Variants in FLT4 observed in about 807,000 individuals in gnomAD.
FLT4 encodes the protein fms related receptor tyrosine kinase 4.
FLT4 carries 30 observed loss-of-function variants against 163.2 expected under a neutral mutation model. The observed-to-expected ratio is 0.18, with a 90% CI of 0.14 to 0.25. The LOEUF is 0.25. Among genes scored for constraint, FLT4 ranks in the 10% least tolerant of loss-of-function variants. The pLI is 1.00. For synonymous variants in FLT4, 884 were observed against 789.5 expected (o/e 1.12, Z -2.01); for missense variants, 1,510 against 1,863.8 (o/e 0.81, Z 3.50).
At chr5:180,642,070 G>A (rs1238094397) in intron 1 of FLT4, among the ~76,000 whole-genome samples, 1 of 152,138 alleles carries the variant, frequency 6.6e-6, no homozygotes, top group Non-Finnish European at 1.5e-5. Context: ...AGCCCAGTGT[G>A]GTGGCGGGCG....
chr5:180,621,434 GCCAGGGCTGTGAA>G (rs1413852331), intron 13 of FLT4, 95 bp downstream of exon 13: 1 of 1,510,006 alleles, frequency 6.6e-7, no homozygotes, highest in Non-Finnish European at 8.9e-7. Flanking sequence ...GCTCCTGCAG[GCCAGGGCTGTGAA>G]TAGACCTCCC....
intron 24 of FLT4, 82 bp from the exon 25 acceptor site, chr5:180,613,192 T>C (rs1041817678): frequency 1.1e-5 from 11 of 973,744 alleles, no homozygotes; most frequent in Non-Finnish European, 1.6e-5. Flanking sequence ...ATCCTGTCCC[T>C]TCCCCATCAA....
rs1369398175 is a variant in FLT4 at position 180,609,035 on chromosome 5, C to T, written c.3826G>A (p.Gly1276Arg). 2 of 1,614,186 alleles carry T rather than the reference C, an allele frequency of 1.2e-6. No individual in the cohort carries two copies. Among genetic ancestry groups the T allele is most frequent in the Non-Finnish European group, 8.5e-7 (1 of 1,180,010 alleles). Reference protein sequence around the residue: ...KGSVDNQTDSGMVLASEEFEQ... With the variant: ...KGSVDNQTDSRMVLASEEFEQ... ...AACTCCTCCGAGGCCAGCACCATCC[C>T]ACTGTCTGTCTGGTTGTCCTGTGTG... The change falls in exon 29 of 30, where the codon GGG (glycine) becomes AGG (arginine). Residue 1276 changes from glycine (G) to arginine (R), a missense_variant. This residue lies in a region of FLT4 where 295 missense variants were observed against 311.0 expected (regional missense o/e 0.95). Coordinates refer to ENST00000261937, the MANE Select transcript of FLT4 (RefSeq NM_182925.5).
In FLT4 at chr5:180,608,412, C is replaced by T. The variant is rs531844916; in HGVS notation, c.3893+556G>A. 703 of 692,160 alleles carry T rather than the reference C, an allele frequency of 1.0e-3. 4 individuals carry two copies. In the African/African-American group the frequency reaches 0.011, roughly 11 times the overall value. The allele number at this position is 692,160 out of a possible 1,614,324, so 42.9% of individuals were successfully genotyped here. ...ATAAATATCAGCGTGCTCAGCCATT[C>T]GGGGCCACTACCGGTCTCCACGTCT... On this transcript the variant is annotated intron_variant, in intron 29 of 29. Coordinates refer to ENST00000261937, the MANE Select transcript of FLT4 (RefSeq NM_182925.5).
chr5:180,613,469 C>T (rs1308750242), intron 24 of FLT4: 4 of 281,038 alleles, frequency 1.4e-5, no homozygotes, highest in African/African-American at 8.8e-5. Flanking sequence ...CTCGCTGCTT[C>T]TCCTGCTGCT....
intron 1 of FLT4, among the ~76,000 whole-genome samples, chr5:180,642,399 A>G (rs1326285672): frequency 6.6e-6 from 1 of 151,972 alleles, no homozygotes; most frequent in Admixed American, 6.5e-5. Context: ...ACTGATTAGG[A>G]GCTTGCTGGC....
At chr5:180,626,076 C>T (rs750540507) in intron 9 of FLT4, 35 bp downstream of exon 9, 16 of 1,612,594 alleles carry the variant, frequency 9.9e-6, no homozygotes, top group Non-Finnish European at 1.3e-5. Flanking sequence ...CAATGCCAGG[C>T]CGCCCACCCG....
At chr5:180,642,392 G>T (rs10479476) in intron 1 of FLT4, among the ~76,000 whole-genome samples, 5,996 of 152,144 alleles carry the variant, frequency 0.039, 165 homozygotes, top group South Asian at 0.12. Context: ...ATTGTAGACT[G>T]ATTAGGAGCT....
At position 180,624,005 on chromosome 5, in the gene FLT4, G is replaced by A. The variant is rs373491903; in HGVS notation, c.1478C>T (p.Thr493Ile). 9 of 1,613,276 alleles carry A rather than the reference G, an allele frequency of 5.6e-6. No individual in the cohort carries two copies. The South Asian group carries it at 6.6e-5, about 12-fold the overall frequency. The change falls in exon 11 of 30, where the codon ACC becomes ATC. Residue 493 changes from threonine to isoleucine, a missense_variant. Around this residue, in one of 5 missense-constraint regions of FLT4, gnomAD observed 878 missense variants for 1,016.7 expected, o/e 0.86. Coordinates refer to ENST00000261937, the MANE Select transcript of FLT4 (RefSeq NM_182925.5). ...GATGGGGTTCACGGCATCCTGCGTG[G>A]TCACCGCCCTCCAGTCACGGCACTG... ...MPQCRDWRAV[T>I]TQDAVNPIES...
intron 1 of FLT4, among the ~76,000 whole-genome samples, chr5:180,647,657 G>T (rs1765549631): frequency 6.6e-6 from 1 of 151,892 alleles, no homozygotes; most frequent in Non-Finnish European, 1.5e-5. Flanking sequence ...CAAGCTGGGG[G>T]CTCCCGGGGT....
At chr5:180,649,639 C>G (rs976793226), upstream of FLT4, 11 of 345,212 alleles carry the variant, frequency 3.2e-5, no homozygotes, top group Non-Finnish European at 4.0e-5. Flanking sequence ...CGGGGCGGGG[C>G]GGGGCGGGGG....
rs748299394 is a variant in FLT4 at position 180,614,111 on chromosome 5, G to A, written c.3288C>T (p.Asp1096=). 1.6e-5 allele frequency: 26 copies of A among 1,613,894 alleles called. No homozygotes were observed. Among genetic ancestry groups the A allele is most frequent in the African/African-American group, 1.1e-4 (8 of 74,928 alleles). The change falls in exon 24 of 30, where the codon GAC becomes GAT. Residue 1096 remains aspartate, a synonymous_variant. Coordinates refer to ENST00000261937, the MANE Select transcript of FLT4 (RefSeq NM_182925.5). Reference sequence around the variant, plus strand: ...AGAGAAGCACCCCAAAGGACCACACGTCACTCTGCGTGGTGTACACCTTGT... The same window carrying A: ...AGAGAAGCACCCCAAAGGACCACACATCACTCTGCGTGGTGTACACCTTGT... ...IFDKVYTTQS[D]VWSFGVLLWE...
At chr5:180,637,068 C>T (rs936042528) in intron 1 of FLT4, among the ~76,000 whole-genome samples, 1 of 152,130 alleles carries the variant, frequency 6.6e-6, no homozygotes, top group African/African-American at 2.4e-5. Flanking sequence ...CAGAAACACC[C>T]CACTGGCTGG....
Position 180,621,854 on chromosome 5 carries a change from CTAG to C in FLT4, c.1705_1707del (p.Leu569del). 6.2e-7 allele frequency: 1 copy of C among 1,613,450 alleles called. No homozygotes were observed. Among genetic ancestry groups the C allele is most frequent in the Non-Finnish European group, 8.5e-7 (1 of 1,179,978 alleles). ...CAGCTCAGGAGCACCGGCTGGCCCT[CTAG>C]TAGCTCCTCGGATGGCTTGGATTCG... On this transcript the variant is annotated inframe_deletion, in exon 13 of 30. Coordinates refer to ENST00000261937, the MANE Select transcript of FLT4 (RefSeq NM_182925.5).
intron 29 of FLT4, among the ~76,000 whole-genome samples, chr5:180,607,224 ACTTT>A (rs1467931484): frequency 2.0e-5 from 3 of 152,240 alleles, no homozygotes; most frequent in African/African-American, 7.2e-5. Flanking sequence ...AATGGAGTTC[ACTTT>A]CTATCTGGGA....
At position 180,632,284 on chromosome 5, in the gene FLT4, T is replaced by A. The variant is rs544460716; in HGVS notation, c.59-506A>T. Among the ~76,000 whole-genome samples, 40 of 152,216 alleles carry A rather than the reference T, an allele frequency of 2.6e-4. No homozygotes were observed. The South Asian group carries it at 6.8e-3, about 26-fold the overall frequency. On this transcript the variant is annotated intron_variant, in intron 1 of 29. Transcript: ENST00000261937. ...GCTCTCTGCCAGGGGCCTCGCCCCC[T>A]CCTGCCTGCTCTCTGCCAGGGGCCT...
intron 1 of FLT4, among the ~76,000 whole-genome samples, chr5:180,644,819 G>A (rs1379733507): frequency 6.6e-6 from 1 of 152,250 alleles, no homozygotes; most frequent in African/African-American, 2.4e-5. Flanking sequence ...GTAGCTTCGA[G>A]GACAGTGTGT....
rs1763372553 is a variant in FLT4 at position 180,623,878 on chromosome 5, C to T, written c.1548+57G>A. On this transcript the variant is annotated intron_variant, in intron 11 of 29. Coordinates refer to ENST00000261937, the MANE Select transcript of FLT4 (RefSeq NM_182925.5). This position sits in a 1 kb window ranked among gnomAD's most constrained non-coding sequence, Gnocchi z 5.8. The stretch of plus-strand genomic sequence containing the variant: ...GTGGAAACCACATGGCAGTAATGGC[C>T]TCTCTCTCCTCCCTTCTCCTTCTCC... 3 of 1,603,586 alleles carry T rather than the reference C, an allele frequency of 1.9e-6. No individual in the cohort carries two copies. Among genetic ancestry groups the T allele is most frequent in the Non-Finnish European group, 2.6e-6 (3 of 1,171,962 alleles).
At chr5:180,627,220 T>C (rs382091) in intron 8 of FLT4, among the ~76,000 whole-genome samples, 144,453 of 152,256 alleles carry the variant, frequency 0.95, 69,008 homozygotes, top group East Asian at 1. Flanking sequence ...CACTGTGTCC[T>C]GGGAGAGGCA....
Sources: gnomAD v4.1 joint callset for allele counts (sites outside exome capture counted in the v4.1 genomes callset) on GRCh38, gnomAD v4.1.1 for gene constraint, gnomAD v4.1.1 regional missense constraint, Gnocchi (gnomAD v3.1) non-coding constraint, MANE v1.5 for transcripts, NCBI Gene and HGNC (gene_info 2026-07-23, HGNC 2026-07-21) for gene names.